Variants in PRIM1 observed in about 807,000 individuals in gnomAD.
The protein encoded by PRIM1 is DNA primase subunit 1.
Under a neutral mutation model 60.2 loss-of-function variants are expected in PRIM1, and 38 were observed. The ratio of observed to expected loss-of-function variants is 0.63; its 90% CI spans 0.49 to 0.83. The LOEUF (loss-of-function observed/expected upper bound fraction) is 0.83, where lower values mean the gene tolerates loss of function less well. PRIM1 is among the 40% of genes least tolerant of loss of function. The probability of loss-of-function intolerance (pLI) is 0.00; values close to 1 mark genes in which losing one functional copy is unlikely to be tolerated. For synonymous variants in PRIM1, 158 were observed against 160.2 expected (o/e 0.99, Z 0.10); for missense variants, 388 against 506.2 (o/e 0.77, Z 2.24).
In PRIM1 at chr12:56,741,845, G is replaced by A; in HGVS notation, c.749-8C>T. ...GAAGTTCATCATGAATTGGTGATGGGTCATTAAGGAACAGACTCATTTAGG... is the reference window on the plus strand; with the variant it reads ...GAAGTTCATCATGAATTGGTGATGGATCATTAAGGAACAGACTCATTTAGG... On this transcript the variant is annotated splice_region_variant and splice_polypyrimidine_tract_variant and intron_variant, in intron 7 of 12. Transcript: ENST00000338193. 1 of 1,612,318 alleles carries A rather than the reference G, an allele frequency of 6.2e-7. No individual in the cohort carries two copies. Among genetic ancestry groups the A allele is most frequent in the South Asian group, 1.1e-5 (1 of 91,054 alleles).
intron 11 of PRIM1, among the ~76,000 whole-genome samples, chr12:56,737,899 A>G (rs1452794575): frequency 2.6e-5 from 4 of 151,738 alleles, no homozygotes; most frequent in Non-Finnish European, 2.9e-5. Context: ...TGATTTTTGT[A>G]TATTTAGCAG....
At chr12:56,738,599 C>T (rs761682388) in intron 10 of PRIM1, 74 bp from the exon 11 acceptor site, 43 of 1,473,236 alleles carry the variant, frequency 2.9e-5, no homozygotes, top group South Asian at 3.7e-5. Flanking sequence ...GTTGCCAGGC[C>T]GGAGTGTGGT....
rs1953972473 is a variant in PRIM1 at position 56,752,058 on chromosome 12, G to A, written c.103+138C>T. The A allele has an allele frequency of 5.8e-6, 3 of 520,992 alleles. No individual in the cohort carries two copies. In the Middle Eastern group the frequency reaches 1.0e-3, roughly 179 times the overall value. The allele number at this position is 520,992 out of a possible 1,614,324, so 32.3% of individuals were successfully genotyped here. ...CCCATTTACACCTATGAAGTGGTGG[G>A]GCGGGCTCGAGAGAGCAAATGAAGG... On this transcript the variant is annotated intron_variant, in intron 1 of 12. Transcript: ENST00000338193.
intron 11 of PRIM1, among the ~76,000 whole-genome samples, chr12:56,736,165 G>T (rs1354666833): frequency 1.3e-5 from 2 of 150,278 alleles, no homozygotes; most frequent in Non-Finnish European, 3.0e-5. Context: ...GGACGTCGTG[G>T]CGGGCACCTG....
intron 5 of PRIM1, among the ~76,000 whole-genome samples, chr12:56,744,646 T>C (rs1415358360): frequency 1.3e-5 from 2 of 152,140 alleles, no homozygotes; most frequent in African/African-American, 4.8e-5. Context: ...GCTGTACAGG[T>C]TGTAGCCTAG....
chr12:56,738,485 C>A lies in PRIM1; in HGVS notation c.1093G>T (p.Glu365Ter). 2 of 1,587,240 alleles carry A rather than the reference C, an allele frequency of 1.3e-6. No homozygotes were observed. The highest frequency in any genetic ancestry group is 8.6e-7 in the Non-Finnish European group (1 of 1,165,294). ...RELDAISTNE[E>*]EKEENEAESD... ...TCAGCTTCATTCTCCTCTTTTTCCT[C>A]TTCATTAGTGGAAATGGCATCCAAT... The change falls in exon 11 of 13, where the codon GAG becomes TAG. Residue 365 changes from glutamate to a stop codon, truncating the protein, a stop_gained. Coordinates refer to ENST00000338193, the MANE Select transcript of PRIM1 (RefSeq NM_000946.3). LOFTEE classifies it high-confidence loss of function.
chr12:56,742,506 T>C lies in PRIM1; in HGVS notation c.748+481A>G, dbSNP rs906904419. Among the ~76,000 whole-genome samples, 4 of 151,444 alleles carry C rather than the reference T, an allele frequency of 2.6e-5. No individual in the cohort carries two copies. In the South Asian group the frequency reaches 8.4e-4, roughly 32 times the overall value. ...ATTGTTTGAACCCGGGAGGCGGAGG[T>C]TGCAGTAAGCCAAGATCACACCACT... On this transcript the variant is annotated intron_variant, in intron 7 of 12. Transcript: ENST00000338193.
intron 1 of PRIM1, 25 bp from the exon 2 acceptor site, chr12:56,751,220 A>C (rs1750691190): frequency 6.8e-7 from 1 of 1,461,884 alleles, no homozygotes; most frequent in African/African-American, 1.4e-5. Flanking sequence ...TACATTTTAA[A>C]GTTAATTTGC....
intron 11 of PRIM1, among the ~76,000 whole-genome samples, chr12:56,737,624 C>T (rs755681133): frequency 3.9e-5 from 6 of 152,302 alleles, no homozygotes; most frequent in Non-Finnish European, 8.8e-5. Flanking sequence ...GCTGGGATTA[C>T]AGGTGTGAGC....
At chr12:56,744,706 C>G (rs1441177457) in intron 5 of PRIM1, among the ~76,000 whole-genome samples, 3 of 152,086 alleles carry the variant, frequency 2.0e-5, no homozygotes, top group Non-Finnish European at 4.4e-5. Flanking sequence ...GCTATACCAT[C>G]TGGGTCTGTG....
At chr12:56,738,921 A>C (rs1953853164) in intron 10 of PRIM1, among the ~76,000 whole-genome samples, 1 of 152,226 alleles carries the variant, frequency 6.6e-6, no homozygotes, top group Admixed American at 6.5e-5. Flanking sequence ...GAATCCCATA[A>C]AATTTACTGT....
At chr12:56,735,393 C>T (rs553930245) in intron 11 of PRIM1, among the ~76,000 whole-genome samples, 41 of 151,690 alleles carry the variant, frequency 2.7e-4, no homozygotes, top group East Asian at 3.9e-4. Context: ...CCACCGTGCC[C>T]GGCCCCATGT....
At chr12:56,735,660 T>C (rs1953822232) in intron 11 of PRIM1, among the ~76,000 whole-genome samples, 3 of 151,892 alleles carry the variant, frequency 2.0e-5, no homozygotes, top group Admixed American at 6.6e-5. Context: ...TTCTTGTTTT[T>C]TTTTTTTTGA....
intron 11 of PRIM1, among the ~76,000 whole-genome samples, chr12:56,737,682 A>G (rs1371625964): frequency 6.6e-6 from 1 of 151,830 alleles, no homozygotes; most frequent in Non-Finnish European, 1.5e-5. Context: ...TTTGCCTTCC[A>G]TTAGCAGGAA....
At chr12:56,736,298 T>TAAAAA (rs756452647) in intron 11 of PRIM1, among the ~76,000 whole-genome samples, 589 of 24,306 alleles carry the variant, frequency 0.024, 144 homozygotes, top group African/African-American at 0.068. Flanking sequence ...ACTCTTTCTC[T>TAAAAA]AAAAAAAAAA....
At chr12:56,733,997 T>TA (rs775550348) in intron 12 of PRIM1, 150 bp downstream of exon 12, 58 of 574,658 alleles carry the variant, frequency 1.0e-4, no homozygotes, top group Non-Finnish European at 1.6e-4. Context: ...TAAATTGAAT[T>TA]AAGGAACCTC....
At chr12:56,736,113 C>A (rs1314742769) in intron 11 of PRIM1, among the ~76,000 whole-genome samples, 1 of 150,710 alleles carries the variant, frequency 6.6e-6, no homozygotes, top group Non-Finnish European at 1.5e-5. Context: ...GCCTGACCAA[C>A]ATGGAGAAAC....
intron 11 of PRIM1, among the ~76,000 whole-genome samples, chr12:56,737,160 C>A (rs776933471): frequency 2.6e-5 from 4 of 152,006 alleles, no homozygotes; most frequent in Non-Finnish European, 4.4e-5. Context: ...TTGTGAACTG[C>A]GCATGTGAGG....
rs902735311 is a variant in PRIM1 at position 56,739,329 on chromosome 12, C to T, written c.1017G>A (p.Val339=). The T allele has an allele frequency of 3.2e-6, 5 of 1,581,654 alleles. No individual in the cohort carries two copies. The South Asian group carries it at 3.5e-5, about 11-fold the overall frequency. The change falls in exon 10 of 13, where the codon GTG becomes GTA. Residue 339 remains valine (V), a synonymous_variant. Transcript: ENST00000338193. ...RISVPIDLQK[V]DQFDPFTVPT... Reference sequence around the variant, plus strand: ...GAACAGTAAATGGATCAAACTGGTCCACTTTCTGCAAATCAATAGGCACAG... The same window carrying T: ...GAACAGTAAATGGATCAAACTGGTCTACTTTCTGCAAATCAATAGGCACAG...
Sources: allele counts gnomAD v4.1 joint callset (sites outside exome capture counted in the v4.1 genomes callset), GRCh38; gene constraint gnomAD v4.1.1; transcripts MANE v1.5; gene names NCBI Gene and HGNC (gene_info 2026-07-23, HGNC 2026-07-21).